Variants in PKHD1L1 observed in about 807,000 individuals in gnomAD.
The protein encoded by PKHD1L1 is fibrocystin-L.
A neutral mutation model predicts 462.9 loss-of-function variants in PKHD1L1; 434 were observed. The ratio of observed to expected loss-of-function variants is 0.94; its 90% CI spans 0.87 to 1.02. The LOEUF (loss-of-function observed/expected upper bound fraction) is 1.02, where lower values mean the gene tolerates loss of function less well. Among genes scored for constraint, PKHD1L1 ranks in the 50% least tolerant of loss-of-function variants. The pLI, the probability that PKHD1L1 is intolerant of heterozygous loss-of-function variation, is 0.00. For synonymous variants in PKHD1L1, 1,781 were observed against 1,750.0 expected, an observed-to-expected ratio of 1.02 and a Z score of -0.44; for missense variants, 5,202 against 5,096.1, an observed-to-expected ratio of 1.02 and a Z score of -0.63.
intron 57 of PKHD1L1, 145 bp downstream of exon 57, chr8:109,483,250 G>T (rs775273459): frequency 1.8e-6 from 1 of 552,608 alleles, no homozygotes. Flanking sequence ...TTGCAAAAAT[G>T]TATCCGATAG....
chr8:109,484,080 C>G (rs1337390702), intron 57 of PKHD1L1, among the ~76,000 whole-genome samples: 1 of 151,738 alleles, frequency 6.6e-6, no homozygotes, highest in African/African-American at 2.4e-5. Flanking sequence ...TTAGTTTGGG[C>G]AAATCAATGC....
chr8:109,389,363 CTT>C (rs1487368431), intron 8 of PKHD1L1, among the ~76,000 whole-genome samples: 1 of 151,952 alleles, frequency 6.6e-6, no homozygotes, highest in Non-Finnish European at 1.5e-5. Context: ...ATAAGGTAAA[CTT>C]CCTCAGGTTT....
Position 109,454,178 on chromosome 8 carries a change from A to C in PKHD1L1, c.6676A>C (p.Ile2226Leu). 1 of 1,606,638 alleles carries C rather than the reference A, an allele frequency of 6.2e-7. No homozygotes were observed. The highest frequency in any genetic ancestry group is 8.5e-7 in the Non-Finnish European group (1 of 1,176,222). ...KMLLIQGGTL[I>L]FDEADIELQA... ...TGTATGATTCATAGGTGGGACTCTA[A>C]TATTTGATGAAGCTGACATTGAACT... The change falls in exon 44 of 78, where the codon ATA becomes CTA. Residue 2226 changes from isoleucine (I) to leucine (L), a missense_variant. Ile to Leu is a conservative substitution (Grantham distance 5). Around this residue, in one of 3 missense-constraint regions of PKHD1L1, gnomAD observed 4,497 missense variants for 4,336.8 expected, o/e 1.04. Coordinates refer to ENST00000378402, the MANE Select transcript of PKHD1L1 (RefSeq NM_177531.6).
Position 109,459,758 on chromosome 8 carries a change from A to C in PKHD1L1, c.7168A>C (p.Arg2390=). 6.2e-7 allele frequency: 1 copy of C among 1,611,746 alleles called. No homozygotes were observed. The highest frequency in any genetic ancestry group is 8.5e-7 in the Non-Finnish European group (1 of 1,178,704). ...EARAEVGILT[R]NILIRGSDNV... ...AAGAGCAGAAGTTGGAATTCTTACA[A>C]GAAATATTTTAATAAGAGGATCTGA... The change falls in exon 47 of 78, where the codon AGA becomes CGA. Residue 2390 remains arginine (R), a synonymous_variant. Transcript: ENST00000378402.
At chr8:109,440,271 C>T (rs7006297) in intron 32 of PKHD1L1, among the ~76,000 whole-genome samples, 1,534 of 152,086 alleles carry the variant, frequency 0.01, 33 homozygotes, top group African/African-American at 0.036. Context: ...TTTCAACAAA[C>T]GTGGAATAAT....
At chr8:109,368,703 C>A (rs994518275) in intron 2 of PKHD1L1, among the ~76,000 whole-genome samples, 1 of 152,186 alleles carries the variant, frequency 6.6e-6, no homozygotes, top group African/African-American at 2.4e-5. Context: ...TTCTTCATGA[C>A]AAGTGCTGGC....
intron 70 of PKHD1L1, among the ~76,000 whole-genome samples, chr8:109,509,497 T>C (rs920410093): frequency 6.6e-6 from 1 of 151,582 alleles, no homozygotes; most frequent in Non-Finnish European, 1.5e-5. Context: ...ATGTAAATGA[T>C]AGCAGCACAG....
At chr8:109,477,716 A>C (rs977421696) in intron 53 of PKHD1L1, among the ~76,000 whole-genome samples, 6 of 152,320 alleles carry the variant, frequency 3.9e-5, no homozygotes, top group Non-Finnish European at 8.8e-5. Flanking sequence ...GCATTACCTA[A>C]GATCACAGAG....
rs1812547345 is a variant in PKHD1L1 at position 109,388,501 on chromosome 8, T to G, written c.574T>G (p.Tyr192Asp). 4 of 1,510,150 alleles carry G rather than the reference T, an allele frequency of 2.6e-6. No homozygotes were observed. The highest frequency in any genetic ancestry group is 3.6e-6 in the Non-Finnish European group (4 of 1,111,224). 93.5% of individuals were successfully genotyped at this position (1,510,150 alleles called of 1,614,324 possible). A position where few individuals can be genotyped will look rare whatever the true frequency, so the allele number is the denominator to read the frequency against. ...CTAATAAAAATATTTGTACAGAGTTTACATTGGAGGAATGCCCTGTGAGCT... is the reference window on the plus strand; with the variant it reads ...CTAATAAAAATATTTGTACAGAGTTGACATTGGAGGAATGCCCTGTGAGCT... ...NGKNVRILRV[Y>D]IGGMPCELLI... Residue 192 changes from tyrosine to aspartate, a missense_variant, in exon 7 of 78, where the codon TAC becomes GAC. Physicochemically the swap from Tyr to Asp is radical, Grantham distance 160. Around this residue, in one of 3 missense-constraint regions of PKHD1L1, gnomAD observed 4,497 missense variants for 4,336.8 expected, o/e 1.04. Coordinates refer to ENST00000378402, the MANE Select transcript of PKHD1L1 (RefSeq NM_177531.6).
intron 2 of PKHD1L1, among the ~76,000 whole-genome samples, chr8:109,368,117 A>G (rs1405153574): frequency 6.6e-6 from 1 of 152,204 alleles, no homozygotes; most frequent in Non-Finnish European, 1.5e-5. Flanking sequence ...TTATAGTCAT[A>G]CCTTGTATTT....
chr8:109,477,525 C>A, intron 53 of PKHD1L1, 129 bp downstream of exon 53: 2 of 814,670 alleles, frequency 2.5e-6, no homozygotes, highest in Non-Finnish European at 3.5e-6. Flanking sequence ...AGTACTTTCA[C>A]ATTCACTGCT....
At chr8:109,443,929 CTTCTATTATATG>C (rs1260340595) in intron 37 of PKHD1L1, 27 bp downstream of exon 37, 2 of 1,518,908 alleles carry the variant, frequency 1.3e-6, no homozygotes, top group South Asian at 2.3e-5. Context: ...CTCCTTTGTA[CTTCTATTATATG>C]TTCCCAATAA....
rs1408444582 is a variant in PKHD1L1, at chr8:109,498,776, G to A, written c.10828+5G>A. The A allele has an allele frequency of 3.2e-6, 5 of 1,585,040 alleles. No homozygotes were observed. Among genetic ancestry groups the A allele is most frequent in the Middle Eastern group, 1.7e-4 (1 of 6,028 alleles). Reference sequence around the variant, plus strand: ...GTGGCCTTTTGGACATCTCAGGCAAGTACACAGTCTTTTACAAATCTTCTC... The same window carrying A: ...GTGGCCTTTTGGACATCTCAGGCAAATACACAGTCTTTTACAAATCTTCTC... On this transcript the variant is annotated splice_donor_5th_base_variant and intron_variant, in intron 67 of 77. Coordinates refer to ENST00000378402, the MANE Select transcript of PKHD1L1 (RefSeq NM_177531.6).
Position 109,476,516 on chromosome 8 carries a change from CTA to C in PKHD1L1, c.8768_8769del (p.Tyr2923CysfsTer6), listed in dbSNP as rs1563587312. On this transcript the variant is annotated frameshift_variant, in exon 52 of 78. Transcript: ENST00000378402. LOFTEE classifies it high-confidence loss of function. ...STFYGFKEED[Y>X]VIISHNFTQN... ...TCTATAAACTTTTATAGGAAGAAGA[CTA>C]TGTAATTATATCACATAACTTCACT... 2.7e-6 allele frequency: 4 copies of C among 1,472,368 alleles called. No homozygotes were observed. The highest frequency in any genetic ancestry group is 2.5e-5 in the South Asian group (2 of 80,990). 91.2% of individuals were successfully genotyped at this position (1,472,368 alleles called of 1,614,324 possible).
chr8:109,476,205 G>A (rs1209861593), intron 51 of PKHD1L1, among the ~76,000 whole-genome samples: 1 of 151,098 alleles, frequency 6.6e-6, no homozygotes, highest in African/African-American at 2.5e-5. Flanking sequence ...ACATATATGT[G>A]TGTGTATGCA....
intron 45 of PKHD1L1, among the ~76,000 whole-genome samples, chr8:109,455,493 T>G (rs1422148259): frequency 6.6e-6 from 1 of 152,222 alleles, no homozygotes; most frequent in African/African-American, 2.4e-5. Flanking sequence ...ACACTAACCG[T>G]AGTACCTGTC....
At position 109,435,341 on chromosome 8, in the gene PKHD1L1, T is replaced by G. The variant is rs756766839; in HGVS notation, c.3492T>G (p.Ser1164=). ...QSQISHIWPD[S]GSIAGGTLLT... is the part of the protein sequence containing the mutation. ...AGATCTCACATATCTGGCCTGATTC[T>G]GGAAGCATAGCAGGTAATGGTTAAT... Residue 1164 remains serine (S), a synonymous_variant, in exon 29 of 78, where the codon TCT becomes TCG. Transcript: ENST00000378402. The G allele has an allele frequency of 1.9e-6, 3 of 1,612,148 alleles. No individual in the cohort carries two copies. The highest frequency in any genetic ancestry group is 2.5e-6 in the Non-Finnish European group (3 of 1,178,986).
rs551388897 is a variant in PKHD1L1, at chr8:109,423,789, G to A, written c.2698-1296G>A. Among the ~76,000 whole-genome samples, 24 of 152,150 alleles carry A rather than the reference G, an allele frequency of 1.6e-4. No homozygotes were observed. The South Asian group carries it at 3.5e-3, about 22-fold the overall frequency. On this transcript the variant is annotated intron_variant, in intron 23 of 77. Coordinates refer to ENST00000378402, the MANE Select transcript of PKHD1L1 (RefSeq NM_177531.6). The stretch of plus-strand genomic sequence containing the variant: ...GTCTCTCCAATTATTTGTCCTCTTC[G>A]TGCTTTACCAGCATATTTAGATCTT...
intron 62 of PKHD1L1, among the ~76,000 whole-genome samples, chr8:109,493,323 CCTT>C (rs1166114936): frequency 6.6e-6 from 1 of 150,952 alleles, no homozygotes; most frequent in Non-Finnish European, 1.5e-5. Flanking sequence ...TTAACATTCT[CCTT>C]ACCTTCTTGT....
Sources: gnomAD v4.1 joint callset for allele counts (sites outside exome capture counted in the v4.1 genomes callset) on GRCh38, gnomAD v4.1.1 for gene constraint, gnomAD v4.1.1 regional missense constraint, MANE v1.5 for transcripts, NCBI Gene and HGNC (gene_info 2026-07-23, HGNC 2026-07-21) for gene names.